NRG2: variants seen among roughly 807,000 people sequenced by gnomAD.
The protein encoded by NRG2 is neuregulin 2.
A neutral mutation model predicts 73.9 loss-of-function variants in NRG2; 27 were observed. The observed-to-expected ratio is 0.37, with a 90% confidence interval of 0.27 to 0.50. The LOEUF is 0.50. Among genes scored for constraint, NRG2 ranks in the 20% least tolerant of loss-of-function variants. The pLI is 0.96. For synonymous variants in NRG2, 532 were observed against 541.0 expected (o/e 0.98, Z 0.23); for missense variants, 1,126 against 1,210.1 (o/e 0.93, Z 1.03).
At chr5:139,926,890 G>A (rs572452119) in intron 1 of NRG2, among the ~76,000 whole-genome samples, 59 of 152,274 alleles carry the variant, frequency 3.9e-4, no homozygotes, top group African/African-American at 1.3e-3. Flanking sequence ...TACTTACAAC[G>A]TTCTTTCCAT....
At chr5:139,983,821 T>C (rs550150330) in intron 1 of NRG2, among the ~76,000 whole-genome samples, 1 of 152,268 alleles carries the variant, frequency 6.6e-6, no homozygotes, top group East Asian at 1.9e-4. Flanking sequence ...TGTTTGTTGA[T>C]CCTTTTAAAA....
intron 1 of NRG2, among the ~76,000 whole-genome samples, chr5:139,978,835 C>A (rs1756572295): frequency 6.6e-6 from 1 of 151,884 alleles, no homozygotes; most frequent in South Asian, 2.1e-4. Context: ...GGAACCAACC[C>A]AAATGTCCAT....
At chr5:139,958,191 C>T (rs1009463243) in intron 1 of NRG2, among the ~76,000 whole-genome samples, 2 of 152,024 alleles carry the variant, frequency 1.3e-5, no homozygotes, top group Non-Finnish European at 2.9e-5. Flanking sequence ...AGACCACTAG[C>T]GTAGGAAAGA....
chr5:139,848,552 G>A lies in NRG2; in HGVS notation c.1918C>T (p.Arg640Cys). Reference protein sequence around the residue: ...SLPPAAPISYRLAEQQPLLRH... With the variant: ...SLPPAAPISYCLAEQQPLLRH... ...AGTAACGGCTGCTGCTCGGCCAGGC[G>A]GTAACTGATGGGCGCCGCCGGCGGC... The change falls in exon 10 of 10, where the codon CGC becomes TGC. Residue 640 changes from arginine to cysteine, a missense_variant. Transcript: ENST00000361474. The A allele has an allele frequency of 1.3e-6, 2 of 1,534,048 alleles. No individual in the cohort carries two copies. The highest frequency in any genetic ancestry group is 1.7e-6 in the Non-Finnish European group (2 of 1,151,938).
At chr5:140,014,553 C>A (rs924219655) in intron 1 of NRG2, among the ~76,000 whole-genome samples, 7 of 151,934 alleles carry the variant, frequency 4.6e-5, no homozygotes, top group Non-Finnish European at 1.0e-4. Flanking sequence ...CATTTTTTTA[C>A]TCCTCCTTTT....
chr5:140,001,967 G>T (rs1758520184), intron 1 of NRG2, among the ~76,000 whole-genome samples: 1 of 152,188 alleles, frequency 6.6e-6, no homozygotes, highest in Admixed American at 6.5e-5. Context: ...AGGGTTCCTT[G>T]AGCCCACGAG....
At chr5:139,932,144 G>A (rs1752507406) in intron 1 of NRG2, among the ~76,000 whole-genome samples, 1 of 151,866 alleles carries the variant, frequency 6.6e-6, no homozygotes, top group African/African-American at 2.4e-5. Context: ...CCATGTTCAT[G>A]GAAGCATTAG....
intron 1 of NRG2, among the ~76,000 whole-genome samples, chr5:139,896,718 T>C (rs1354991635): frequency 6.6e-6 from 1 of 152,180 alleles, no homozygotes; most frequent in Admixed American, 6.5e-5. Context: ...GCTGAGTCCA[T>C]TTGGCTTCTA....
At chr5:139,878,866 G>A (rs2127098206) in intron 3 of NRG2, among the ~76,000 whole-genome samples, 1 of 152,310 alleles carries the variant, frequency 6.6e-6, no homozygotes. Context: ...GGCCATAGAG[G>A]AGGCAGTAAA....
rs753091156 is a variant in NRG2 at position 139,848,667 on chromosome 5, G to C, written c.1803C>G (p.Arg601=). 1 of 1,565,664 alleles carries C rather than the reference G, an allele frequency of 6.4e-7. No homozygotes were observed. Among genetic ancestry groups the C allele is most frequent in the South Asian group, 1.2e-5 (1 of 86,816 alleles). The stretch of plus-strand genomic sequence containing the variant: ...AGTAGTGGAAGTCCACGGGCGAGAG[G>C]CGCGCGGGCGTGGTCAGGGCCGACA... ...RYVSALTTPA[R]LSPVDFHYSL... is the part of the protein sequence containing the mutation. The change falls in exon 10 of 10, where the codon CGC becomes CGG. Residue 601 remains arginine, a synonymous_variant. Coordinates refer to ENST00000361474, the MANE Select transcript of NRG2 (RefSeq NM_004883.3).
chr5:139,862,293 G>T (rs964454927), intron 5 of NRG2, among the ~76,000 whole-genome samples: 2 of 152,180 alleles, frequency 1.3e-5, no homozygotes, highest in Admixed American at 6.5e-5. Flanking sequence ...GTGGTGGCTG[G>T]CATGATTGGT....
intron 1 of NRG2, among the ~76,000 whole-genome samples, chr5:139,899,145 C>T (rs1764726132): frequency 6.6e-6 from 1 of 152,244 alleles, no homozygotes; most frequent in African/African-American, 2.4e-5. Context: ...TCATGCCTGA[C>T]ACTGAGGAGC....
chr5:140,033,939 T>C (rs1490414596), intron 1 of NRG2, among the ~76,000 whole-genome samples: 3 of 151,926 alleles, frequency 2.0e-5, no homozygotes, highest in African/African-American at 7.3e-5. Context: ...ATCACCCAGC[T>C]GGAAAATGCA....
In NRG2 at chr5:139,904,255, G is replaced by T. The variant is rs1231119065; in HGVS notation, c.701-16744C>A. On this transcript the variant is annotated intron_variant, in intron 1 of 9. Coordinates refer to ENST00000361474, the MANE Select transcript of NRG2 (RefSeq NM_004883.3). The surrounding 1 kb of genome is among the most constrained non-coding windows in gnomAD (Gnocchi z 6.0). ...CTGCGCTGGGGGCGGGTGAGCGGGC[G>T]GCAGGTTTCTCCCAGGGAAACCGGG... 9.0e-6 allele frequency: 14 copies of T among 1,556,240 alleles called. No individual in the cohort carries two copies. The African/African-American group carries it at 1.1e-4, about 12-fold the overall frequency.
intron 1 of NRG2, among the ~76,000 whole-genome samples, chr5:140,000,283 G>A (rs775873201): frequency 1.3e-5 from 2 of 152,308 alleles, no homozygotes; most frequent in Middle Eastern, 3.4e-3. Flanking sequence ...ACAGAACTGC[G>A]AGTCAATTGC....
intron 5 of NRG2, chr5:139,859,744 C>T: frequency 1.3e-6 from 1 of 778,228 alleles, no homozygotes; most frequent in Non-Finnish European, 2.1e-6. Context: ...TATGATAGGA[C>T]ATCTCGATGG....
chr5:139,979,555 T>A (rs911338577), intron 1 of NRG2, among the ~76,000 whole-genome samples: 7 of 152,212 alleles, frequency 4.6e-5, no homozygotes, highest in African/African-American at 1.7e-4. Context: ...ACATAGAATG[T>A]GGGGAATGAT....
rs1480423700 is a variant in NRG2, at chr5:139,870,258, G to A, written c.1112+1463C>T. ...AGGCAGGAGGCGGGGAAGGATGAGG[G>A]GCTGAGTTTGGGTTGAGAACTTCCC... is the stretch of plus-strand genomic sequence containing the variant. On this transcript the variant is annotated intron_variant, in intron 4 of 9. Transcript: ENST00000361474. This position sits in a 1 kb window ranked among gnomAD's most constrained non-coding sequence, Gnocchi z 4.4. Among the ~76,000 whole-genome samples the A allele has an allele frequency of 2.0e-5, 3 of 152,140 alleles. No individual in the cohort carries two copies. Among genetic ancestry groups the A allele is most frequent in the Admixed American group, 6.5e-5 (1 of 15,278 alleles).
rs778234964 is a variant in NRG2 at position 139,871,813 on chromosome 5, C to G, written c.1020G>C (p.Gly340=). The change falls in exon 4 of 10, where the codon GGG becomes GGC. Residue 340 remains glycine (G), a synonymous_variant. Coordinates refer to ENST00000361474, the MANE Select transcript of NRG2 (RefSeq NM_004883.3). Reference sequence around the variant, plus strand: ...CTGTCTCGTTGCACTTCCGGGCGTGCCCCGACCAGGATGACAGGGTGGTGC... The same window carrying G: ...CTGTCTCGTTGCACTTCCGGGCGTGGCCCGACCAGGATGACAGGGTGGTGC... ...SVSTTLSSWS[G]HARKCNETAK... is the part of the protein sequence containing the mutation. 6.2e-7 allele frequency: 1 copy of G among 1,614,036 alleles called. No homozygotes were observed. The highest frequency in any genetic ancestry group is 1.1e-5 in the South Asian group (1 of 91,070).
Sources: allele counts gnomAD v4.1 joint callset (sites outside exome capture counted in the v4.1 genomes callset), GRCh38; gene constraint gnomAD v4.1.1; non-coding constraint Gnocchi (gnomAD v3.1); transcripts MANE v1.5; gene names NCBI Gene and HGNC (gene_info 2026-07-23, HGNC 2026-07-21).